Variants in DOCK10 observed in about 807,000 individuals in gnomAD.
DOCK10 encodes the protein dedicator of cytokinesis protein 10.
DOCK10 carries 145 observed loss-of-function variants against 280.1 expected under a neutral mutation model. That is an observed-to-expected ratio of 0.52 (90% CI 0.45 to 0.59). The LOEUF is 0.59. DOCK10 is among the 20% of genes least tolerant of loss of function. The pLI is 0.00. For synonymous variants in DOCK10, 915 were observed against 942.2 expected (o/e 0.97, Z 0.53); for missense variants, 2,368 against 2,651.7 (o/e 0.89, Z 2.35).
rs556407692 is a variant in DOCK10, at chr2:224,837,868, A to C, written c.2781-37T>G. The C allele has an allele frequency of 2.6e-5, 41 of 1,566,412 alleles. No individual in the cohort carries two copies. In the African/African-American group the frequency reaches 4.7e-4, roughly 18 times the overall value. On this transcript the variant is annotated intron_variant, in intron 24 of 55. Coordinates refer to ENST00000258390, the MANE Select transcript of DOCK10 (RefSeq NM_014689.3). The stretch of plus-strand genomic sequence containing the variant: ...AAGCTGTTCAGTGGCCTTTCTGGAG[A>C]GGGCAGAAAAACCCCGCTTTAGTTT...
At chr2:224,843,503 T>C (rs969496214) in intron 22 of DOCK10, among the ~76,000 whole-genome samples, 1 of 152,218 alleles carries the variant, frequency 6.6e-6, no homozygotes, top group East Asian at 1.9e-4. Flanking sequence ...TTTAAATCAT[T>C]GTGGGTGCAG....
Position 224,772,868 on chromosome 2 carries a change from T to C in DOCK10, c.6204+289A>G, listed in dbSNP as rs573511901. On this transcript the variant is annotated intron_variant, in intron 53 of 55. Coordinates refer to ENST00000258390, the MANE Select transcript of DOCK10 (RefSeq NM_014689.3). The stretch of plus-strand genomic sequence containing the variant: ...TGGTGTTTCTTCATTAGTTAATTCA[T>C]TTGTTAGTATACAGATATAGAACAC... Among the ~76,000 whole-genome samples the C allele has an allele frequency of 7.7e-4, 117 of 152,350 alleles. 3 individuals carry two copies. In the South Asian group the frequency reaches 0.024, roughly 31 times the overall value.
At position 224,845,282 on chromosome 2, in the gene DOCK10, G is replaced by A. The variant is rs1237506270; in HGVS notation, c.2402C>T (p.Ala801Val). The A allele has an allele frequency of 1.3e-6, 2 of 1,589,694 alleles. No homozygotes were observed. The highest frequency in any genetic ancestry group is 1.7e-6 in the Non-Finnish European group (2 of 1,166,538). The change falls in exon 21 of 56, where the codon GCT becomes GTT. Residue 801 changes from alanine (A) to valine (V), a missense_variant. Around this residue, in one of 2 missense-constraint regions of DOCK10, gnomAD observed 1,209 missense variants for 1,250.9 expected, o/e 0.97. Transcript: ENST00000258390. ...TATTGGGATGTTGTACTCTTGAGAAGCTATCTGATCGTGTTTCATCAGAGG... is the reference window on the plus strand; with the variant it reads ...TATTGGGATGTTGTACTCTTGAGAAACTATCTGATCGTGTTTCATCAGAGG... ...WLPLMKHDQI[A>V]SQEYNIPIAT...
rs564628132 is a variant in DOCK10 at position 224,808,966 on chromosome 2, A to G, written c.3410-880T>C. ...AGTGACAAGAGTAACTCACTAGGAA[A>G]AGTTGACTGAAGTATTTGAGGGAGC... is the stretch of plus-strand genomic sequence containing the variant. On this transcript the variant is annotated intron_variant, in intron 31 of 55. Coordinates refer to ENST00000258390, the MANE Select transcript of DOCK10 (RefSeq NM_014689.3). Among the ~76,000 whole-genome samples, 3 of 152,178 alleles carry G rather than the reference A, an allele frequency of 2.0e-5. 1 individual carries two copies. Among genetic ancestry groups the G allele is most frequent in the African/African-American group, 7.2e-5 (3 of 41,528 alleles).
intron 1 of DOCK10, among the ~76,000 whole-genome samples, chr2:225,003,120 C>T (rs558916585): frequency 2.6e-5 from 4 of 152,294 alleles, no homozygotes; most frequent in Non-Finnish European, 5.9e-5. Context: ...GATCTCAGCT[C>T]ACTGCAGCTT....
chr2:225,033,612 T>C (rs1690142021), intron 1 of DOCK10, among the ~76,000 whole-genome samples: 1 of 152,362 alleles, frequency 6.6e-6, no homozygotes, highest in Admixed American at 6.5e-5. Flanking sequence ...TAAATTTTAT[T>C]ATTTCTACCT....
rs1693509494 is a variant in DOCK10 at position 224,807,941 on chromosome 2, C to T, written c.3555G>A (p.Lys1185=). Residue 1185 remains lysine (K), a synonymous_variant, in exon 32 of 56, where the codon AAG becomes AAA. Coordinates refer to ENST00000258390, the MANE Select transcript of DOCK10 (RefSeq NM_014689.3). ...ALAVLKNLMA[K]HSFDDRYREP... ...CTCTGTATCGATCATCAAATGAATG[C>T]TTAGCCATTAGATTTTTTAGGACAG... 2 of 1,612,672 alleles carry T rather than the reference C, an allele frequency of 1.2e-6. No individual in the cohort carries two copies. The highest frequency in any genetic ancestry group is 1.7e-6 in the Non-Finnish European group (2 of 1,179,330).
intron 55 of DOCK10, among the ~76,000 whole-genome samples, chr2:224,766,437 A>G (rs1201357533): frequency 6.6e-6 from 1 of 152,176 alleles, no homozygotes; most frequent in African/African-American, 2.4e-5. Flanking sequence ...CTGTGCCATG[A>G]CCTTCATCTC....
Position 224,905,556 on chromosome 2 carries a change from C to A in DOCK10, c.334-9179G>T, listed in dbSNP as rs1306034836. On this transcript the variant is annotated intron_variant, in intron 3 of 55. Transcript: ENST00000258390. Reference sequence around the variant, plus strand: ...GAGCCACCGCGCCCGGCCTATGGAACTATTTTTAACTTTGGTATGCTTTGG... The same window carrying A: ...GAGCCACCGCGCCCGGCCTATGGAAATATTTTTAACTTTGGTATGCTTTGG... Among the ~76,000 whole-genome samples the A allele has an allele frequency of 2.0e-5, 3 of 152,276 alleles. No homozygotes were observed. In the South Asian group the frequency reaches 6.2e-4, roughly 32 times the overall value.
At chr2:224,926,587 C>T (rs1702057585) in intron 2 of DOCK10, among the ~76,000 whole-genome samples, 2 of 152,274 alleles carry the variant, frequency 1.3e-5, no homozygotes, top group Non-Finnish European at 2.9e-5. Context: ...CAGCTATGAG[C>T]CAGGCACTAT....
chr2:225,002,417 GCAATGACAA>G (rs1438285180), intron 1 of DOCK10, among the ~76,000 whole-genome samples: 3 of 152,188 alleles, frequency 2.0e-5, no homozygotes, highest in Non-Finnish European at 2.9e-5. Flanking sequence ...ACCAAGAACA[GCAATGACAA>G]CACGGCTTTC....
chr2:224,919,321 A>AGT (rs148488692), intron 2 of DOCK10, among the ~76,000 whole-genome samples: 83,181 of 142,054 alleles, frequency 0.59, 23,988 homozygotes, highest in Middle Eastern at 0.67. Flanking sequence ...TGTCAGTGTG[A>AGT]GTGTGTGGTG....
chr2:225,021,927 AG>A (rs1364772124), intron 1 of DOCK10, among the ~76,000 whole-genome samples: 1 of 152,210 alleles, frequency 6.6e-6, no homozygotes, highest in Non-Finnish European at 1.5e-5. Context: ...AAAGAATTTA[AG>A]TTGTTCTGTA....
At chr2:224,799,659 TC>T (rs371511066) in intron 41 of DOCK10, among the ~76,000 whole-genome samples, 137 of 152,362 alleles carry the variant, frequency 9.0e-4, no homozygotes, top group African/African-American at 3.3e-3. Context: ...TTCTAGTTTC[TC>T]CACACCCTTG....
At chr2:224,962,886 C>T (rs545604627) in intron 1 of DOCK10, among the ~76,000 whole-genome samples, 3 of 152,196 alleles carry the variant, frequency 2.0e-5, no homozygotes, top group South Asian at 4.1e-4. Flanking sequence ...ATTAGGCAGC[C>T]TAGGATTCAA....
intron 47 of DOCK10, among the ~76,000 whole-genome samples, chr2:224,792,534 T>G (rs1189703230): frequency 6.6e-6 from 1 of 152,222 alleles, no homozygotes; most frequent in Non-Finnish European, 1.5e-5. Flanking sequence ...TCTGCTCACC[T>G]TGGCCTCCCA....
chr2:224,960,005 T>C (rs1208230294), intron 1 of DOCK10, among the ~76,000 whole-genome samples: 1 of 152,154 alleles, frequency 6.6e-6, no homozygotes, highest in East Asian at 1.9e-4. Context: ...GAACACCTCC[T>C]CTATCCCCTC....
intron 40 of DOCK10, 114 bp from the exon 41 acceptor site, chr2:224,800,377 T>A: frequency 1.8e-6 from 1 of 571,000 alleles, no homozygotes; most frequent in Non-Finnish European, 3.0e-6. Context: ...TGATTAATAA[T>A]TTATTAAATC....
At chr2:224,811,366 T>C (rs892371553) in intron 31 of DOCK10, among the ~76,000 whole-genome samples, 2 of 152,212 alleles carry the variant, frequency 1.3e-5, no homozygotes, top group African/African-American at 4.8e-5. Context: ...TTTGAGTTCA[T>C]TGTAGATTCT....
Sources: gnomAD v4.1 joint callset for allele counts (sites outside exome capture counted in the v4.1 genomes callset) on GRCh38, gnomAD v4.1.1 for gene constraint, gnomAD v4.1.1 regional missense constraint, MANE v1.5 for transcripts, NCBI Gene and HGNC (gene_info 2026-07-23, HGNC 2026-07-21) for gene names.